TRPM3: variants seen among roughly 807,000 people sequenced by gnomAD.
The protein encoded by TRPM3 is transient receptor potential cation channel subfamily M member 3.
TRPM3 carries 77 observed loss-of-function variants against 181.2 expected under a neutral mutation model. The ratio of observed to expected loss-of-function variants is 0.42; its 90% CI spans 0.35 to 0.51. The LOEUF (loss-of-function observed/expected upper bound fraction) is 0.51, where lower values mean the gene tolerates loss of function less well. Ranked by LOEUF, TRPM3 falls within the 20% of genes least tolerant of loss-of-function variation. The pLI, the probability that TRPM3 is intolerant of heterozygous loss-of-function variation, is 0.01. For missense variants in TRPM3, 1,759 were observed against 2,196.7 expected (o/e 0.80, Z 3.98); for synonymous variants, 745 against 796.4 (o/e 0.94, Z 1.09).
At chr9:71,443,851 T>C (rs2094167213) in intron 1 of TRPM3, among the ~76,000 whole-genome samples, 1 of 152,102 alleles carries the variant, frequency 6.6e-6, no homozygotes, top group African/African-American at 2.4e-5. Flanking sequence ...ATATCTTCTA[T>C]TAATTATGAT....
At chr9:71,232,309 A>G (rs1395644341) in intron 1 of TRPM3, among the ~76,000 whole-genome samples, 1 of 152,120 alleles carries the variant, frequency 6.6e-6, no homozygotes, top group African/African-American at 2.4e-5. Context: ...AGGCCACACT[A>G]TTAATTAGTA....
intron 9 of TRPM3, among the ~76,000 whole-genome samples, chr9:70,680,006 C>T (rs992060150): frequency 6.6e-5 from 10 of 152,044 alleles, no homozygotes; most frequent in African/African-American, 1.2e-4. Flanking sequence ...TTTAGAGCAG[C>T]GGTTCTCAAG....
chr9:71,217,962 C>G (rs954981491), intron 1 of TRPM3, among the ~76,000 whole-genome samples: 15 of 152,324 alleles, frequency 9.8e-5, no homozygotes, highest in Non-Finnish European at 2.2e-4. Context: ...CCAAATATCT[C>G]CTTGCCAAGC....
In TRPM3 at chr9:70,792,097, C is replaced by T. The variant is rs530566071; in HGVS notation, c.974-7818G>A. On this transcript the variant is annotated intron_variant, in intron 6 of 25. Transcript: ENST00000677713. ...ATGGTGTCCGCCCTATCCCCTCTCCCCTGTCAGAGAACAGACCCATCCACT... is the reference window on the plus strand; with the variant it reads ...ATGGTGTCCGCCCTATCCCCTCTCCTCTGTCAGAGAACAGACCCATCCACT... Among the ~76,000 whole-genome samples, 229 of 152,298 alleles carry T rather than the reference C, an allele frequency of 1.5e-3. 1 individual carries two copies. The highest frequency in any genetic ancestry group is 4.1e-3 in the African/African-American group (171 of 41,570).
chr9:70,905,000 C>T (rs2133068132), intron 1 of TRPM3, among the ~76,000 whole-genome samples: 1 of 152,314 alleles, frequency 6.6e-6, no homozygotes, highest in South Asian at 2.1e-4. Context: ...AAAATCTCAA[C>T]TGTTTTGGCA....
At chr9:70,877,001 C>T (rs1190255267) in intron 1 of TRPM3, among the ~76,000 whole-genome samples, 2 of 151,966 alleles carry the variant, frequency 1.3e-5, no homozygotes, top group Admixed American at 1.3e-4. Flanking sequence ...TTGTACCTTA[C>T]ATTAAGCCTC....
chr9:70,945,883 C>A (rs2096927581), intron 1 of TRPM3, among the ~76,000 whole-genome samples: 1 of 151,998 alleles, frequency 6.6e-6, no homozygotes, highest in Non-Finnish European at 1.5e-5. Context: ...AGAAAACCTG[C>A]AGGGTGTTGA....
intron 1 of TRPM3, among the ~76,000 whole-genome samples, chr9:71,327,765 G>A (rs79957742): frequency 6.6e-6 from 1 of 152,166 alleles, no homozygotes; most frequent in Non-Finnish European, 1.5e-5. Flanking sequence ...GAAGCAATCT[G>A]TGCCTGCTAA....
Position 70,625,788 on chromosome 9 carries a change from A to G in TRPM3, c.1633-271T>C, listed in dbSNP as rs148440579. ...GGTTTCTACCACCCTTTAAAGGAAG[A>G]CTCCTTTCAGAAGATGAGTGTCATT... On this transcript the variant is annotated intron_variant, in intron 12 of 25. Transcript: ENST00000677713. This position sits in a 1 kb window ranked among gnomAD's most constrained non-coding sequence, Gnocchi z 4.8. Among the ~76,000 whole-genome samples, 2,037 of 152,078 alleles carry G rather than the reference A, an allele frequency of 0.013. 40 individuals are homozygous for G. Among genetic ancestry groups the G allele is most frequent in the African/African-American group, 0.042 (1,742 of 41,460 alleles).
chr9:71,154,997 T>C (rs1314920634), intron 1 of TRPM3, among the ~76,000 whole-genome samples: 2 of 152,204 alleles, frequency 1.3e-5, no homozygotes, highest in African/African-American at 4.8e-5. Flanking sequence ...ATATCAAAGA[T>C]GTATTTGTAT....
intron 1 of TRPM3, among the ~76,000 whole-genome samples, chr9:71,034,963 T>C (rs2058015234): frequency 6.6e-6 from 1 of 150,816 alleles, no homozygotes; most frequent in African/African-American, 2.4e-5. Context: ...TCAAAATATA[T>C]AATTTTTTTT....
intron 9 of TRPM3, among the ~76,000 whole-genome samples, chr9:70,646,560 G>C (rs1289056202): frequency 6.6e-6 from 1 of 152,112 alleles, no homozygotes; most frequent in Non-Finnish European, 1.5e-5. Context: ...ACACGCCAGG[G>C]CCTGTTAGGG....
At chr9:71,195,601 T>C (rs2078300540) in intron 1 of TRPM3, among the ~76,000 whole-genome samples, 1 of 152,074 alleles carries the variant, frequency 6.6e-6, no homozygotes, top group South Asian at 2.1e-4. Flanking sequence ...GCAATCCCAT[T>C]ACTGGGTATG....
At chr9:70,571,232 C>G (rs576996750) in intron 22 of TRPM3, among the ~76,000 whole-genome samples, 18 of 152,174 alleles carry the variant, frequency 1.2e-4, no homozygotes, top group Non-Finnish European at 1.0e-4. Context: ...TTAGCTCTGC[C>G]GTTTACTAGC....
At chr9:71,103,796 G>C (rs2068873688) in intron 1 of TRPM3, among the ~76,000 whole-genome samples, 1 of 152,090 alleles carries the variant, frequency 6.6e-6, no homozygotes, top group African/African-American at 2.4e-5. Flanking sequence ...ACATTTTTTT[G>C]AAGGCATGAA....
At position 70,739,500 on chromosome 9, in the gene TRPM3, T is replaced by C. The variant is rs568535642; in HGVS notation, c.1272+22101A>G. ...ACCTCAGTGTAACATAAGCCATCTA[T>C]GACAAACACACAGCCAACATAATAC... On this transcript the variant is annotated intron_variant, in intron 8 of 25. Coordinates refer to ENST00000677713, the MANE Select transcript of TRPM3 (RefSeq NM_001366145.2). Among the ~76,000 whole-genome samples, 3 of 152,276 alleles carry C rather than the reference T, an allele frequency of 2.0e-5. No individual in the cohort carries two copies. The East Asian group carries it at 5.8e-4, about 29-fold the overall frequency.
intron 8 of TRPM3, among the ~76,000 whole-genome samples, chr9:70,701,288 A>T (rs2072464843): frequency 6.6e-6 from 1 of 152,148 alleles, no homozygotes; most frequent in African/African-American, 2.4e-5. Flanking sequence ...ATGATAGGCT[A>T]TTTGGGCCTC....
intron 1 of TRPM3, among the ~76,000 whole-genome samples, chr9:71,177,194 C>G (rs1193626579): frequency 6.6e-6 from 1 of 152,050 alleles, no homozygotes; most frequent in African/African-American, 2.4e-5. Flanking sequence ...CTCCCAAAAC[C>G]CCCAGATGGG....
intron 1 of TRPM3, among the ~76,000 whole-genome samples, chr9:71,222,417 C>T (rs1261367721): frequency 1.3e-5 from 2 of 152,078 alleles, no homozygotes; most frequent in East Asian, 1.9e-4. Context: ...CCTGACCATG[C>T]GTCATTCATA....
Sources: gnomAD v4.1 joint callset for allele counts (sites outside exome capture counted in the v4.1 genomes callset) on GRCh38, gnomAD v4.1.1 for gene constraint, Gnocchi (gnomAD v3.1) non-coding constraint, MANE v1.5 for transcripts, NCBI Gene and HGNC (gene_info 2026-07-23, HGNC 2026-07-21) for gene names.